TMEM131L: variants seen among roughly 807,000 people sequenced by gnomAD.
The protein encoded by TMEM131L is transmembrane 131 like, also known as transmembrane protein 131-like.
A neutral mutation model predicts 192.2 loss-of-function variants in TMEM131L; 54 were observed. That is an observed-to-expected ratio of 0.28 (90% CI 0.23 to 0.35). The LOEUF is 0.35. Ranked by LOEUF, TMEM131L falls within the 10% of genes least tolerant of loss-of-function variation. TMEM131L has a pLI of 1.00. For missense variants in TMEM131L, 1,888 were observed against 1,972.9 expected, an observed-to-expected ratio of 0.96 and a Z score of 0.82; for synonymous variants, 701 against 704.9, an observed-to-expected ratio of 0.99 and a Z score of 0.09.
At chr4:153,531,087 TGA>T (rs1339729419) in intron 3 of TMEM131L, among the ~76,000 whole-genome samples, 11 of 152,358 alleles carry the variant, frequency 7.2e-5, no homozygotes, top group African/African-American at 2.6e-4. Flanking sequence ...TATCCTGGAA[TGA>T]GCAGCAGATA....
intron 3 of TMEM131L, among the ~76,000 whole-genome samples, chr4:153,533,742 TG>T (rs562566407): frequency 3.3e-5 from 5 of 152,224 alleles, no homozygotes; most frequent in Non-Finnish European, 7.3e-5. Context: ...TTTCATTGCC[TG>T]GTTCAGTACC....
chr4:153,481,886 C>T (rs1219727973), intron 3 of TMEM131L, among the ~76,000 whole-genome samples: 2 of 151,918 alleles, frequency 1.3e-5, no homozygotes, highest in Non-Finnish European at 2.9e-5. Flanking sequence ...CTCACTCTGT[C>T]AGCAGGCTGG....
rs143102826 is a variant in TMEM131L, at chr4:153,612,315, A to G, written c.3482A>G (p.Asp1161Gly). 85 of 1,599,302 alleles carry G rather than the reference A, an allele frequency of 5.3e-5. No homozygotes were observed. Among genetic ancestry groups the G allele is most frequent in the Admixed American group, 2.3e-4 (13 of 57,722 alleles). ...CATTGTGAAAATTTGAAGAAGGTGG[A>G]CACAAAGCCTTCTTCAGAAAAGAAG... Reference protein sequence around the residue: ...VDHCENLKKVDTKPSSEKKIH... With the variant: ...VDHCENLKKVGTKPSSEKKIH... The change falls in exon 26 of 35, where the codon GAC (aspartate) becomes GGC (glycine). Residue 1161 changes from aspartate (D) to glycine (G), a missense_variant. Asp to Gly is a moderately conservative substitution (Grantham distance 94, BLOSUM62 -1). Transcript: ENST00000409959.
intron 29 of TMEM131L, 130 bp from the exon 30 acceptor site, chr4:153,626,017 T>C: frequency 1.7e-6 from 1 of 591,398 alleles, no homozygotes; most frequent in Non-Finnish European, 3.0e-6. Context: ...TTAAAAAATG[T>C]GAGAATATCA....
intron 25 of TMEM131L, 24 bp downstream of exon 25, chr4:153,604,454 A>G (rs1475950881): frequency 6.3e-7 from 1 of 1,574,914 alleles, no homozygotes. Context: ...CCCCTTTGAT[A>G]ATTCTCTCCT....
intron 4 of TMEM131L, among the ~76,000 whole-genome samples, chr4:153,550,586 A>G (rs1737544325): frequency 6.6e-6 from 1 of 152,204 alleles, no homozygotes; most frequent in South Asian, 2.1e-4. Flanking sequence ...TCGGCCTCCC[A>G]AAGTGCTGGG....
intron 3 of TMEM131L, among the ~76,000 whole-genome samples, chr4:153,475,719 T>C (rs771968673): frequency 2.6e-5 from 4 of 152,176 alleles, no homozygotes; most frequent in Non-Finnish European, 5.9e-5. Context: ...GTACAGACTT[T>C]TTCTTGTCAT....
chr4:153,612,384 A>G lies in TMEM131L; in HGVS notation c.3551A>G (p.Asp1184Gly), dbSNP rs767764703. ...SREDMFSEKQ[D>G]IPFVEQEDPY... is the part of the protein sequence containing the mutation. ...GAAGACATGTTTTCTGAGAAACAGG[A>G]CATACCTTTCGTAGAGGTCTGTATT... The change falls in exon 26 of 35, where the codon GAC (aspartate) becomes GGC (glycine). Residue 1184 changes from aspartate to glycine, a missense_variant. Transcript: ENST00000409959. The G allele has an allele frequency of 1.3e-6, 2 of 1,592,516 alleles. No individual in the cohort carries two copies. The highest frequency in any genetic ancestry group is 2.3e-5 in the East Asian group (1 of 44,390).
chr4:153,613,641 C>A (rs1008847740), intron 26 of TMEM131L, among the ~76,000 whole-genome samples: 3 of 152,014 alleles, frequency 2.0e-5, no homozygotes, highest in African/African-American at 7.2e-5. Flanking sequence ...ATAAAATTGA[C>A]CCTTACATTT....
Position 153,555,669 on chromosome 4 carries a change from C to T in TMEM131L, c.309-118C>T. ...TTGGATAATTTAACTTTGTGATGAA[C>T]AGCAACAGCTTTCTGGGTTTAAAAA... On this transcript the variant is annotated intron_variant, in intron 4 of 34. Coordinates refer to ENST00000409959, the MANE Select transcript of TMEM131L (RefSeq NM_001131007.2). The surrounding 1 kb of genome is among the most constrained non-coding windows in gnomAD (Gnocchi z 4.1). The T allele has an allele frequency of 3.8e-6, 3 of 794,546 alleles. No homozygotes were observed. Among genetic ancestry groups the T allele is most frequent in the Non-Finnish European group, 5.5e-6 (3 of 543,518 alleles). 49.2% of individuals were successfully genotyped at this position (794,546 alleles called of 1,614,324 possible). A position where few individuals can be genotyped will look rare whatever the true frequency, so the allele number is the denominator to read the frequency against.
intron 9 of TMEM131L, among the ~76,000 whole-genome samples, chr4:153,582,512 C>T (rs1290058166): frequency 7.4e-6 from 1 of 134,286 alleles, no homozygotes; most frequent in Non-Finnish European, 1.5e-5. Flanking sequence ...CTCCTGGGCT[C>T]AAGCATTCCT....
intron 20 of TMEM131L, among the ~76,000 whole-genome samples, chr4:153,598,116 A>G (rs542029374): frequency 2.0e-5 from 3 of 152,320 alleles, no homozygotes; most frequent in African/African-American, 7.2e-5. Context: ...TTTTACGTCT[A>G]GTATCATCCC....
At chr4:153,572,554 C>T (rs796110559) in intron 7 of TMEM131L, among the ~76,000 whole-genome samples, 16 of 152,212 alleles carry the variant, frequency 1.1e-4, no homozygotes, top group African/African-American at 3.9e-4. Flanking sequence ...TGGTCTTGAA[C>T]TCCTGAACTC....
intron 7 of TMEM131L, among the ~76,000 whole-genome samples, chr4:153,559,864 T>C (rs997514430): frequency 6.6e-6 from 1 of 152,054 alleles, no homozygotes; most frequent in African/African-American, 2.4e-5. Flanking sequence ...ACCTGCGTGG[T>C]GTGGCTGCTG....
intron 13 of TMEM131L, 80 bp from the exon 14 acceptor site, chr4:153,586,129 T>C (rs1397329444): frequency 2.9e-6 from 3 of 1,038,930 alleles, no homozygotes; most frequent in Non-Finnish European, 2.7e-6. Flanking sequence ...TATAGAAGAA[T>C]GTTAGCATCA....
chr4:153,583,588 G>A lies in TMEM131L; in HGVS notation c.976G>A (p.Asp326Asn), dbSNP rs35565709. 1.1e-3 allele frequency: 1,803 copies of A among 1,609,840 alleles called. 2 individuals are homozygous for A. The highest frequency in any genetic ancestry group is 1.5e-3 in the Middle Eastern group (9 of 6,052). ...IQDIRHFSQR[D>N]ALSLQFEPVL... ...GGATATACGCCATTTCTCACAGAGA[G>A]ATGCTCTGTCTCTGCAGTTTGAACC... Residue 326 changes from aspartate (D) to asparagine (N), a missense_variant, in exon 11 of 35, where the codon GAT becomes AAT. Asp to Asn is a conservative substitution (Grantham distance 23). Coordinates refer to ENST00000409959, the MANE Select transcript of TMEM131L (RefSeq NM_001131007.2).
At chr4:153,603,771 C>G (rs1732013312) in intron 24 of TMEM131L, 31 bp from the exon 25 acceptor site, 1 of 1,547,822 alleles carries the variant, frequency 6.5e-7, no homozygotes, top group African/African-American at 1.4e-5. Flanking sequence ...TGATTTGCCT[C>G]TATGCTAAAT....
At chr4:153,482,810 A>G (rs1732038966) in intron 3 of TMEM131L, among the ~76,000 whole-genome samples, 2 of 151,972 alleles carry the variant, frequency 1.3e-5, no homozygotes, top group African/African-American at 4.8e-5. Flanking sequence ...TGTTGCCCAC[A>G]CTGTTCTCTA....
At chr4:153,548,921 C>T (rs1737396555) in intron 3 of TMEM131L, among the ~76,000 whole-genome samples, 1 of 152,072 alleles carries the variant, frequency 6.6e-6, no homozygotes, top group South Asian at 2.1e-4. Flanking sequence ...TGGTTGATGG[C>T]TGCTCGGTGG....
Sources: allele counts gnomAD v4.1 joint callset (sites outside exome capture counted in the v4.1 genomes callset), GRCh38; gene constraint gnomAD v4.1.1; non-coding constraint Gnocchi (gnomAD v3.1); transcripts MANE v1.5; gene names NCBI Gene and HGNC (gene_info 2026-07-23, HGNC 2026-07-21).